Variants in STK33 observed in about 807,000 individuals in gnomAD.
STK33 encodes serine/threonine-protein kinase 33.
In STK33, 52 loss-of-function variants were observed where a neutral mutation model predicts 58.0. The ratio of observed to expected loss-of-function variants is 0.90; its 90% CI spans 0.72 to 1.13. The LOEUF (loss-of-function observed/expected upper bound fraction) is 1.13, where lower values mean the gene tolerates loss of function less well. Among genes scored for constraint, STK33 ranks in the 50% most tolerant of loss-of-function variants. STK33 has a pLI of 0.00. For missense variants in STK33, 630 were observed against 604.2 expected (o/e 1.04, Z -0.45); for synonymous variants, 215 against 200.1 (o/e 1.07, Z -0.63).
At chr11:8,426,718 T>C (rs2136050029) in intron 14 of STK33, among the ~76,000 whole-genome samples, 1 of 152,360 alleles carries the variant, frequency 6.6e-6, no homozygotes, top group South Asian at 2.1e-4. Flanking sequence ...TTTTCACTCT[T>C]AGTTTTATCT....
chr11:8,400,202 T>C lies in STK33; in HGVS notation c.1345-7492A>G, dbSNP rs186424485. ...TTTAGACCAATATCCCTGATAAACA[T>C]TGATGCAAAAATCCTCAATAAAATA... On this transcript the variant is annotated intron_variant, in intron 15 of 15. Coordinates refer to ENST00000687296, the MANE Select transcript of STK33 (RefSeq NM_001352389.2). Among the ~76,000 whole-genome samples the C allele has an allele frequency of 1.1e-3, 161 of 152,298 alleles. 3 individuals are homozygous for C. In the East Asian group the frequency reaches 0.022, roughly 21 times the overall value.
chr11:8,402,848 T>C (rs1200589118), intron 15 of STK33, among the ~76,000 whole-genome samples: 1 of 152,220 alleles, frequency 6.6e-6, no homozygotes, highest in East Asian at 1.9e-4. Context: ...TTTATTTTGT[T>C]AGGTTATAGA....
At chr11:8,363,126 C>T in the STK33 span, among the ~76,000 whole-genome samples, 2 of 151,936 alleles carry the variant, frequency 1.3e-5, no homozygotes, top group African/African-American at 2.4e-5. Flanking sequence ...CTGAGAAGTC[C>T]GGCATGGGCT....
chr11:8,418,957 T>C (rs1941522354), intron 14 of STK33, among the ~76,000 whole-genome samples: 1 of 152,160 alleles, frequency 6.6e-6, no homozygotes. Context: ...TTTTTTCTCG[T>C]GAATTTAATT....
chr11:8,579,482 A>G (rs1160507574), intron 1 of STK33, among the ~76,000 whole-genome samples: 1 of 152,064 alleles, frequency 6.6e-6, no homozygotes, highest in Non-Finnish European at 1.5e-5. Flanking sequence ...AGGGAATCAG[A>G]GCATATATTT....
At chr11:8,460,337 T>C (rs1455665796) in intron 8 of STK33, among the ~76,000 whole-genome samples, 2 of 151,958 alleles carry the variant, frequency 1.3e-5, no homozygotes, top group Admixed American at 6.6e-5. Context: ...ATAACTCTAT[T>C]CAAGAAGACC....
intron 1 of STK33, among the ~76,000 whole-genome samples, chr11:8,587,462 C>G (rs1041619454): frequency 6.6e-6 from 1 of 152,074 alleles, no homozygotes; most frequent in Admixed American, 6.5e-5. Flanking sequence ...CCACACTGCA[C>G]GCTTGAACCT....
intron 14 of STK33, among the ~76,000 whole-genome samples, chr11:8,416,402 A>G (rs1941131141): frequency 6.7e-6 from 1 of 150,366 alleles, no homozygotes; most frequent in South Asian, 2.1e-4. Context: ...ATTACAGTGT[A>G]CTAAATGAAC....
At chr11:8,525,690 T>C (rs1953962585) in intron 1 of STK33, among the ~76,000 whole-genome samples, 2 of 152,120 alleles carry the variant, frequency 1.3e-5, no homozygotes, top group African/African-American at 4.8e-5. Flanking sequence ...TACAAAAAGA[T>C]TTCTTAAATA....
chr11:8,553,567 CA>C (rs1477752523), intron 1 of STK33, among the ~76,000 whole-genome samples: 1 of 151,846 alleles, frequency 6.6e-6, no homozygotes, highest in Admixed American at 6.6e-5. Flanking sequence ...TTAAGGCTAT[CA>C]AAATCAAAAC....
At chr11:8,460,596 G>C (rs1434274686) in intron 8 of STK33, among the ~76,000 whole-genome samples, 1 of 152,014 alleles carries the variant, frequency 6.6e-6, no homozygotes, top group East Asian at 1.9e-4. Flanking sequence ...AGTGGGGTGA[G>C]GGGAAGGCAA....
chr11:8,350,983 T>C, the STK33 span, among the ~76,000 whole-genome samples: 2 of 152,040 alleles, frequency 1.3e-5, no homozygotes, highest in Non-Finnish European at 2.9e-5. Context: ...GAACTCCAGG[T>C]TGGAAACAAG....
At chr11:8,457,594 G>T in intron 8 of STK33, 115 bp from the exon 9 acceptor site, 1 of 939,790 alleles carries the variant, frequency 1.1e-6, no homozygotes, top group Non-Finnish European at 1.5e-6. Flanking sequence ...TCATTCAAAA[G>T]TATTATCTAT....
At chr11:8,513,685 T>G (rs777394468) in intron 1 of STK33, among the ~76,000 whole-genome samples, 1 of 152,278 alleles carries the variant, frequency 6.6e-6, no homozygotes, top group Admixed American at 6.5e-5. Flanking sequence ...TTTTAATTTT[T>G]GGGGGTATAT....
At chr11:8,565,400 T>G (rs1407655581) in intron 1 of STK33, among the ~76,000 whole-genome samples, 1 of 152,126 alleles carries the variant, frequency 6.6e-6, no homozygotes, top group Non-Finnish European at 1.5e-5. Flanking sequence ...ATCTCTACAT[T>G]GCAGGCAGCA....
chr11:8,418,480 T>C (rs1941447626), intron 14 of STK33, among the ~76,000 whole-genome samples: 1 of 152,222 alleles, frequency 6.6e-6, no homozygotes, highest in Non-Finnish European at 1.5e-5. Context: ...CTTTATCCAA[T>C]CTGTCATTTA....
intron 1 of STK33, among the ~76,000 whole-genome samples, chr11:8,518,776 CA>C (rs1397447392): frequency 3.3e-5 from 5 of 152,174 alleles, no homozygotes; most frequent in Admixed American, 2.0e-4. Context: ...GAGATCAATT[CA>C]AAAAGAAGAG....
chr11:8,386,414 A>G, the STK33 span, among the ~76,000 whole-genome samples: 1 of 152,252 alleles, frequency 6.6e-6, no homozygotes, highest in Non-Finnish European at 1.5e-5. Flanking sequence ...CTTCTGGAAG[A>G]AAAACAACTC....
At chr11:8,359,273 C>T in the STK33 span, among the ~76,000 whole-genome samples, 3 of 152,102 alleles carry the variant, frequency 2.0e-5, 1 homozygote, top group South Asian at 4.1e-4. Context: ...TATGTCAGTG[C>T]TAATTTGCTG....
Sources: allele counts gnomAD v4.1 joint callset (sites outside exome capture counted in the v4.1 genomes callset), GRCh38; gene constraint gnomAD v4.1.1; transcripts MANE v1.5; gene names NCBI Gene and HGNC (gene_info 2026-07-23, HGNC 2026-07-21).